DPP10: variants seen among roughly 807,000 people sequenced by gnomAD.
The protein encoded by DPP10 is dipeptidyl peptidase like 10.
Under a neutral mutation model 120.9 loss-of-function variants are expected in DPP10, and 33 were observed. That is an observed-to-expected ratio of 0.27 (90% confidence interval 0.21 to 0.37). The LOEUF (loss-of-function observed/expected upper bound fraction) is 0.37, where lower values mean the gene tolerates loss of function less well. DPP10 is among the 10% of genes least tolerant of loss of function. The pLI, the probability that DPP10 is intolerant of heterozygous loss-of-function variation, is 1.00. For synonymous variants in DPP10, 337 were observed against 326.1 expected, an observed-to-expected ratio of 1.03 and a Z score of -0.36; for missense variants, 816 against 942.8, an observed-to-expected ratio of 0.87 and a Z score of 1.76.
At chr2:114,623,952 A>G (rs1033376347) in intron 1 of DPP10, among the ~76,000 whole-genome samples, 5 of 152,204 alleles carry the variant, frequency 3.3e-5, no homozygotes, top group African/African-American at 1.2e-4. Flanking sequence ...TGGCCTTAGT[A>G]TCCTCGTCTG....
intron 1 of DPP10, among the ~76,000 whole-genome samples, chr2:114,945,141 A>G (rs1161612004): frequency 1.3e-5 from 2 of 152,224 alleles, no homozygotes; most frequent in Admixed American, 6.5e-5. Flanking sequence ...AAAAATTCCT[A>G]GAAAAGCGTG....
chr2:115,445,759 A>T (rs1056590474), intron 3 of DPP10, among the ~76,000 whole-genome samples: 12 of 152,234 alleles, frequency 7.9e-5, no homozygotes, highest in African/African-American at 2.7e-4. Context: ...AATTCAAGCT[A>T]GCTGCAGAAA....
At chr2:115,470,161 G>A (rs920514857) in intron 3 of DPP10, among the ~76,000 whole-genome samples, 1 of 152,138 alleles carries the variant, frequency 6.6e-6, no homozygotes, top group African/African-American at 2.4e-5. Context: ...AAGCAAGAAT[G>A]TTCAACTCGG....
intron 3 of DPP10, among the ~76,000 whole-genome samples, chr2:115,454,914 A>G (rs1450046545): frequency 6.6e-6 from 1 of 151,644 alleles, no homozygotes; most frequent in African/African-American, 2.4e-5. Flanking sequence ...ATTTCTGTGT[A>G]CTTTCAAGGA....
chr2:114,845,507 A>G (rs572317133), intron 1 of DPP10, among the ~76,000 whole-genome samples: 1 of 152,264 alleles, frequency 6.6e-6, no homozygotes, highest in South Asian at 2.1e-4. Context: ...AACCCAATGC[A>G]TACAGAACAT....
chr2:114,959,482 C>T (rs980097625), intron 1 of DPP10, among the ~76,000 whole-genome samples: 8 of 152,234 alleles, frequency 5.3e-5, no homozygotes, highest in Non-Finnish European at 8.8e-5. Flanking sequence ...AGCTGATGAA[C>T]ATTTTGAGTT....
At chr2:114,653,992 G>A (rs1696796858) in intron 1 of DPP10, among the ~76,000 whole-genome samples, 1 of 152,066 alleles carries the variant, frequency 6.6e-6, no homozygotes. Context: ...ATTTCCAAAA[G>A]TCTTGTTGAT....
intron 7 of DPP10, among the ~76,000 whole-genome samples, chr2:115,700,492 A>C (rs2091839898): frequency 6.6e-6 from 1 of 152,188 alleles, no homozygotes; most frequent in South Asian, 2.1e-4. Context: ...CTTAATGGTC[A>C]AAGACTGAAA....
intron 1 of DPP10, among the ~76,000 whole-genome samples, chr2:114,854,388 A>G (rs1172966620): frequency 6.6e-6 from 1 of 152,214 alleles, no homozygotes; most frequent in Non-Finnish European, 1.5e-5. Flanking sequence ...GTCATTAAGT[A>G]TGTTTCATAA....
At chr2:114,860,419 G>A (rs1237004884) in intron 1 of DPP10, among the ~76,000 whole-genome samples, 1 of 152,202 alleles carries the variant, frequency 6.6e-6, no homozygotes, top group African/African-American at 2.4e-5. Context: ...CAGAATAAAC[G>A]CCTTTTCCAA....
rs1025761178 is a variant in DPP10 at position 115,744,513 on chromosome 2, G to A, written c.853-1573G>A. On this transcript the variant is annotated intron_variant, in intron 9 of 25. Coordinates refer to ENST00000410059, the MANE Select transcript of DPP10 (RefSeq NM_020868.6). ...ATCCAGAACCTTTGGCGTGCGGGAG[G>A]CTCATAGCTTATCTTCCAGGAAGCC... Among the ~76,000 whole-genome samples, 131 of 150,370 alleles carry A rather than the reference G, an allele frequency of 8.7e-4. 5 individuals carry two copies. The highest frequency in any genetic ancestry group is 1.3e-3 in the Non-Finnish European group (89 of 67,878).
chr2:115,353,881 A>G (rs556782309), intron 3 of DPP10, among the ~76,000 whole-genome samples: 7 of 152,268 alleles, frequency 4.6e-5, no homozygotes, highest in Middle Eastern at 6.8e-3. Context: ...TTTTATTATC[A>G]TGAAACTAAC....
chr2:114,470,077 C>T (rs1226804254), intron 1 of DPP10, among the ~76,000 whole-genome samples: 5 of 152,198 alleles, frequency 3.3e-5, no homozygotes, highest in South Asian at 2.1e-4. Flanking sequence ...GCTTCCACCA[C>T]GGACCCTCTT....
chr2:114,826,918 A>G (rs1686599579), intron 1 of DPP10, among the ~76,000 whole-genome samples: 1 of 152,212 alleles, frequency 6.6e-6, no homozygotes, highest in African/African-American at 2.4e-5. Flanking sequence ...TCTAATGGTA[A>G]TGAACTGGAG....
chr2:115,270,123 CACAA>C (rs2059635226), intron 1 of DPP10, among the ~76,000 whole-genome samples: 2 of 144,872 alleles, frequency 1.4e-5, no homozygotes, highest in African/African-American at 2.8e-5. Context: ...CAGACACACA[CACAA>C]ACACTTATTT....
chr2:114,502,322 A>G (rs1683266496), intron 1 of DPP10, among the ~76,000 whole-genome samples: 1 of 152,282 alleles, frequency 6.6e-6, no homozygotes, highest in Admixed American at 6.5e-5. Flanking sequence ...TCTGTACTCA[A>G]CATAGTTCCA....
intron 2 of DPP10, among the ~76,000 whole-genome samples, chr2:115,337,478 G>T (rs1321452206): frequency 6.6e-6 from 1 of 151,946 alleles, no homozygotes; most frequent in Non-Finnish European, 1.5e-5. Flanking sequence ...AGAGATGCAG[G>T]TTCAAGTTTC....
Position 115,009,384 on chromosome 2 carries a change from T to A in DPP10, c.61-299855T>A, listed in dbSNP as rs1573284482. On this transcript the variant is annotated intron_variant, in intron 1 of 25. Transcript: ENST00000410059. ...CATGGGTGGGAATTGAACAATGAGA[T>A]CACATGGACACAGGAAGGGGAATAT... 2.0e-5 allele frequency among the ~76,000 whole-genome samples: 3 copies of A among 149,522 alleles called. No homozygotes were observed. The South Asian group carries it at 6.6e-4, about 33-fold the overall frequency.
At chr2:115,424,533 C>T (rs1052281017) in intron 3 of DPP10, among the ~76,000 whole-genome samples, 1 of 151,962 alleles carries the variant, frequency 6.6e-6, no homozygotes, top group African/African-American at 2.4e-5. Context: ...AAACTATTGA[C>T]ATGGCTCCTA....
Sources: gnomAD v4.1 joint callset for allele counts (sites outside exome capture counted in the v4.1 genomes callset) on GRCh38, gnomAD v4.1.1 for gene constraint, MANE v1.5 for transcripts, NCBI Gene and HGNC (gene_info 2026-07-23, HGNC 2026-07-21) for gene names.